The following TIMP3 variants were observed in gnomAD, a reference collection of about 807,000 sequenced individuals.
TIMP3 encodes TIMP metallopeptidase inhibitor 3.
In TIMP3, 11 loss-of-function variants were observed where a neutral mutation model predicts 30.0. That is an observed-to-expected ratio of 0.37 (90% CI 0.23 to 0.61). The LOEUF (loss-of-function observed/expected upper bound fraction) is 0.61. Among genes scored for constraint, TIMP3 ranks in the 20% least tolerant of loss-of-function variants. The probability of loss-of-function intolerance (pLI) is 0.70; values close to 1 mark genes in which losing one functional copy is unlikely to be tolerated. For synonymous variants in TIMP3, 112 were observed against 111.3 expected (o/e 1.01, Z -0.04); for missense variants, 181 against 276.8 (o/e 0.65, Z 2.45).
intron 1 of TIMP3, among the ~76,000 whole-genome samples, chr22:32,808,305 G>T (rs1046582469): frequency 1.3e-5 from 2 of 152,116 alleles, no homozygotes; most frequent in African/African-American, 4.8e-5. Context: ...CAGGCTCATG[G>T]TGGCAGCAAG....
In TIMP3 at chr22:32,861,654, C is replaced by T. The variant is rs924300713; in HGVS notation, c.*2277C>T. 5 of 152,574 alleles carry T rather than the reference C, an allele frequency of 3.3e-5. No individual in the cohort carries two copies. Among genetic ancestry groups the T allele is most frequent in the African/African-American group, 7.2e-5 (3 of 41,428 alleles). The allele number at this position is 152,574 out of a possible 1,614,324, so 9.5% of individuals were successfully genotyped here. On this transcript the variant is annotated 3_prime_UTR_variant, in exon 5 of 5. Transcript: ENST00000266085. Reference sequence around the variant, plus strand: ...GGCACCTGAAGTTTCCCTGCGGAGTCGATAAATTAGCAGAACCACATCCCC... The same window carrying T: ...GGCACCTGAAGTTTCCCTGCGGAGTTGATAAATTAGCAGAACCACATCCCC...
intron 2 of TIMP3, among the ~76,000 whole-genome samples, chr22:32,856,692 C>T (rs565519298): frequency 2.0e-5 from 3 of 152,284 alleles, no homozygotes; most frequent in South Asian, 4.1e-4. Flanking sequence ...CTACTAGCTA[C>T]TTTGAGATAT....
At chr22:32,851,606 T>A (rs1171274801) in intron 2 of TIMP3, among the ~76,000 whole-genome samples, 1 of 152,104 alleles carries the variant, frequency 6.6e-6, no homozygotes, top group Non-Finnish European at 1.5e-5. Context: ...AGATGTAGGA[T>A]CCCTCGTCTT....
At chr22:32,820,151 C>T (rs373623852) in intron 1 of TIMP3, among the ~76,000 whole-genome samples, 4 of 152,108 alleles carry the variant, frequency 2.6e-5, no homozygotes, top group East Asian at 3.9e-4. Flanking sequence ...CTATTCAGGC[C>T]GTCTCTGAGG....
chr22:32,827,615 C>A (rs2047450723), intron 1 of TIMP3, among the ~76,000 whole-genome samples: 1 of 152,142 alleles, frequency 6.6e-6, no homozygotes, highest in South Asian at 2.1e-4. Flanking sequence ...CAAGCCACTC[C>A]CCTACAATCC....
chr22:32,815,191 A>G (rs8138910), intron 1 of TIMP3, among the ~76,000 whole-genome samples: 1,590 of 152,300 alleles, frequency 0.01, 21 homozygotes, highest in African/African-American at 0.034. Context: ...GCACAGGGAT[A>G]TGGGGCTGTT....
rs528829970 is a variant in TIMP3, at chr22:32,815,854, C to A, written c.121+13732C>A. On this transcript the variant is annotated intron_variant, in intron 1 of 4. Coordinates refer to ENST00000266085, the MANE Select transcript of TIMP3 (RefSeq NM_000362.5). Reference sequence around the variant, plus strand: ...ACCAATTCTGCCCACGGTCACCCCACTGCATGATGGCAGAGCTAGTATTTG... The same window carrying A: ...ACCAATTCTGCCCACGGTCACCCCAATGCATGATGGCAGAGCTAGTATTTG... 1.4e-4 allele frequency among the ~76,000 whole-genome samples: 22 copies of A among 152,322 alleles called. No homozygotes were observed. In the South Asian group the frequency reaches 3.9e-3, roughly 27 times the overall value.
At chr22:32,807,170 AT>A (rs1208453147) in intron 1 of TIMP3, among the ~76,000 whole-genome samples, 1 of 149,716 alleles carries the variant, frequency 6.7e-6, no homozygotes, top group East Asian at 2.0e-4. Flanking sequence ...CCCCTAACTC[AT>A]CCCCACCTTT....
intron 1 of TIMP3, among the ~76,000 whole-genome samples, chr22:32,834,968 G>C (rs1339422882): frequency 6.6e-6 from 1 of 152,222 alleles, no homozygotes; most frequent in Non-Finnish European, 1.5e-5. Flanking sequence ...TTCAGCCAGG[G>C]TCTTTGCAGT....
chr22:32,860,916 T>G lies in TIMP3; in HGVS notation c.*1539T>G, dbSNP rs1464601173. 1.3e-5 allele frequency: 1 copy of G among 76,452 alleles called. No homozygotes were observed. Among genetic ancestry groups the G allele is most frequent in the Non-Finnish European group, 3.0e-5 (1 of 33,364 alleles). The allele number at this position is 76,452 out of a possible 1,614,324, so 4.7% of individuals were successfully genotyped here. On this transcript the variant is annotated 3_prime_UTR_variant, in exon 5 of 5. Transcript: ENST00000266085. ...CCAGTTGTAGGGTTTCTGTTGTGTT[T>G]TTTTTTTTTTTTTTGAAATAAAACT...
At chr22:32,814,268 G>GGAGGGAGA (rs1306151757) in intron 1 of TIMP3, among the ~76,000 whole-genome samples, 1 of 49,748 alleles carries the variant, frequency 2.0e-5, no homozygotes, top group Non-Finnish European at 4.2e-5. Flanking sequence ...AAAGAGGGAG[G>GGAGGGAGA]GAGGGAGAGA....
At chr22:32,824,007 G>A (rs935387143) in intron 1 of TIMP3, among the ~76,000 whole-genome samples, 4 of 152,100 alleles carry the variant, frequency 2.6e-5, no homozygotes, top group Admixed American at 1.3e-4. Flanking sequence ...GGCCAGGCGC[G>A]GTGACTCACG....
At chr22:32,806,140 A>G (rs113008005) in intron 1 of TIMP3, among the ~76,000 whole-genome samples, 18 of 152,120 alleles carry the variant, frequency 1.2e-4, no homozygotes, top group African/African-American at 4.3e-4. Flanking sequence ...AGGTGGGATC[A>G]GTTAGGGCTC....
intron 2 of TIMP3, among the ~76,000 whole-genome samples, chr22:32,851,437 G>A (rs942475264): frequency 6.6e-6 from 1 of 152,086 alleles, no homozygotes; most frequent in Non-Finnish European, 1.5e-5. Flanking sequence ...ACGGGTGGTT[G>A]TTTAGAGACC....
At chr22:32,814,653 A>C (rs1569245766) in intron 1 of TIMP3, among the ~76,000 whole-genome samples, 1 of 152,208 alleles carries the variant, frequency 6.6e-6, no homozygotes, top group East Asian at 1.9e-4. Flanking sequence ...GAGGCTGCTA[A>C]AATAGAATGC....
chr22:32,807,322 AATATATAATTT>A (rs1244377784), intron 1 of TIMP3, among the ~76,000 whole-genome samples: 2 of 94,856 alleles, frequency 2.1e-5, no homozygotes, highest in South Asian at 3.0e-4. Flanking sequence ...ATAATATATA[AATATATAATTT>A]ATATATAATA....
chr22:32,846,989 C>G (rs183046695), intron 1 of TIMP3, among the ~76,000 whole-genome samples: 39 of 152,344 alleles, frequency 2.6e-4, no homozygotes, highest in African/African-American at 7.5e-4. Context: ...TGGGGCAGGT[C>G]TGCTTGTGAC....
chr22:32,812,116 A>G (rs2046931439), intron 1 of TIMP3, among the ~76,000 whole-genome samples: 1 of 152,088 alleles, frequency 6.6e-6, no homozygotes, highest in Admixed American at 6.6e-5. Flanking sequence ...TTATCTGTAA[A>G]ACAGCAGGAT....
chr22:32,813,003 G>C (rs903687105), intron 1 of TIMP3, among the ~76,000 whole-genome samples: 2 of 152,186 alleles, frequency 1.3e-5, no homozygotes, highest in Non-Finnish European at 2.9e-5. Context: ...AGGTGGGAAG[G>C]TGGGTGTGGG....
Sources: gnomAD v4.1 joint callset for allele counts (sites outside exome capture counted in the v4.1 genomes callset) on GRCh38, gnomAD v4.1.1 for gene constraint, MANE v1.5 for transcripts, NCBI Gene and HGNC (gene_info 2026-07-23, HGNC 2026-07-21) for gene names.